The following CFAP77 variants were observed in gnomAD, a reference collection of about 807,000 sequenced individuals.
The protein encoded by CFAP77 is cilia- and flagella-associated protein 77.
Under a neutral mutation model 31.1 loss-of-function variants are expected in CFAP77, and 25 were observed. That is an observed-to-expected ratio of 0.80 (90% CI 0.59 to 1.12). The LOEUF (loss-of-function observed/expected upper bound fraction) is 1.12, where lower values mean the gene tolerates loss of function less well. Among genes scored for constraint, CFAP77 ranks in the 50% most tolerant of loss-of-function variants. The pLI, the probability that CFAP77 is intolerant of heterozygous loss-of-function variation, is 0.00. For missense variants in CFAP77, 377 were observed against 397.3 expected (o/e 0.95, Z 0.44); for synonymous variants, 151 against 159.9 (o/e 0.94, Z 0.42).
At position 132,438,541 on chromosome 9, in the gene CFAP77, A is replaced by ATATATATATATATATGTATTTT; in HGVS notation, c.195+28076_195+28077insATATATATATATATGTATTTTT. On this transcript the variant is annotated intron_variant, in intron 1 of 5. Transcript: ENST00000393216. ...ATGGTATATATATATATATATATAT[A>ATATATATATATATATGTATTTT]TTTTTTTTTTTTTTTTTAGACAGGG... 2.3e-3 allele frequency among the ~76,000 whole-genome samples: 254 copies of ATATATATATATATATGTATTTT among 108,092 alleles called. 2 individuals carry two copies. Among genetic ancestry groups the ATATATATATATATATGTATTTT allele is most frequent in the African/African-American group, 9.9e-3 (244 of 24,538 alleles). 70.9% of individuals were successfully genotyped at this position (108,092 alleles called of 152,430 possible). A position where few individuals can be genotyped will look rare whatever the true frequency, so the allele number is the denominator to read the frequency against.
intron 3 of CFAP77, among the ~76,000 whole-genome samples, chr9:132,534,055 A>C (rs2119047379): frequency 6.6e-6 from 1 of 152,254 alleles, no homozygotes; most frequent in Non-Finnish European, 1.5e-5. Flanking sequence ...CAGTGATGTC[A>C]AGATTGATAA....
intron 3 of CFAP77, among the ~76,000 whole-genome samples, chr9:132,533,128 G>T (rs534135543): frequency 2.1e-4 from 32 of 152,318 alleles, no homozygotes; most frequent in African/African-American, 7.7e-4. Flanking sequence ...GCCTCTAGGC[G>T]CCCTACGTGA....
chr9:132,531,401 T>C (rs534857170), intron 3 of CFAP77, among the ~76,000 whole-genome samples: 25 of 152,236 alleles, frequency 1.6e-4, no homozygotes, highest in Admixed American at 1.4e-3. Context: ...ACCAGGGCTG[T>C]CCTAGGATGG....
At chr9:132,563,655 G>A (rs777974433) in intron 5 of CFAP77, among the ~76,000 whole-genome samples, 12 of 152,320 alleles carry the variant, frequency 7.9e-5, no homozygotes, top group Non-Finnish European at 1.6e-4. Flanking sequence ...ACGTGGACTC[G>A]TTGGTTCGTA....
rs115655507 is a variant in CFAP77 at position 132,471,590 on chromosome 9, G to T, written c.196-27105G>T. On this transcript the variant is annotated intron_variant, in intron 1 of 5. Coordinates refer to ENST00000393216, the MANE Select transcript of CFAP77 (RefSeq NM_001282957.2). ...GTTGTGCTATAAACATAATCAGGTA[G>T]GTTGGTGATAGGAGAGACTTGGCCA... Among the ~76,000 whole-genome samples the T allele has an allele frequency of 5.1e-3, 771 of 152,284 alleles. 9 individuals carry two copies. Among genetic ancestry groups the T allele is most frequent in the African/African-American group, 0.017 (715 of 41,552 alleles).
intron 1 of CFAP77, among the ~76,000 whole-genome samples, chr9:132,441,187 C>A (rs1391741099): frequency 6.6e-6 from 1 of 152,134 alleles, no homozygotes; most frequent in Non-Finnish European, 1.5e-5. Context: ...CATTTGCATA[C>A]TGTTTCTTTG....
At chr9:132,462,692 T>C (rs1436036834) in intron 1 of CFAP77, among the ~76,000 whole-genome samples, 1 of 152,080 alleles carries the variant, frequency 6.6e-6, no homozygotes, top group Non-Finnish European at 1.5e-5. Flanking sequence ...GGTGGGCGCC[T>C]GTAATCCCAG....
At chr9:132,457,994 C>T (rs1000071376) in intron 1 of CFAP77, among the ~76,000 whole-genome samples, 3 of 152,186 alleles carry the variant, frequency 2.0e-5, no homozygotes, top group Non-Finnish European at 2.9e-5. Flanking sequence ...CTAACAGCCC[C>T]GATCCCTTAT....
Position 132,416,351 on chromosome 9 carries a change from T to G in CFAP77, c.195+5885T>G, listed in dbSNP as rs865904079. ...CTGATTTTTTTTTTTTTTTTTTTTT[T>G]TTTTTTGAGACAAAGTTTTGCTCTT... On this transcript the variant is annotated intron_variant, in intron 1 of 5. Coordinates refer to ENST00000393216, the MANE Select transcript of CFAP77 (RefSeq NM_001282957.2). Among the ~76,000 whole-genome samples the G allele has an allele frequency of 1.0e-3, 150 of 148,032 alleles. 2 individuals are homozygous for G. Among genetic ancestry groups the G allele is most frequent in the Middle Eastern group, 6.9e-3 (2 of 288 alleles).
intron 1 of CFAP77, among the ~76,000 whole-genome samples, chr9:132,465,073 C>CAAAAAA (rs773917029): frequency 2.4e-5 from 2 of 82,860 alleles, no homozygotes; most frequent in African/African-American, 4.1e-5. Context: ...GACTCTGTCT[C>CAAAAAA]AAAAAAAAAA....
chr9:132,543,705 C>T (rs1308535501), intron 5 of CFAP77, among the ~76,000 whole-genome samples: 1 of 152,196 alleles, frequency 6.6e-6, no homozygotes, highest in Non-Finnish European at 1.5e-5. Context: ...CTACCAAGGA[C>T]TGGGGCAAGT....
chr9:132,435,537 G>T (rs1164569268), intron 1 of CFAP77, among the ~76,000 whole-genome samples: 2 of 152,184 alleles, frequency 1.3e-5, no homozygotes, highest in Non-Finnish European at 2.9e-5. Flanking sequence ...GCTTTTCAGA[G>T]TATTTCCCCC....
At chr9:132,569,820 C>T (rs1829933507) in intron 5 of CFAP77, among the ~76,000 whole-genome samples, 1 of 150,866 alleles carries the variant, frequency 6.6e-6, no homozygotes, top group South Asian at 2.1e-4. Context: ...ACTGCAACCT[C>T]CGCCTCCTGG....
At chr9:132,519,113 C>A (rs1189872924) in intron 3 of CFAP77, among the ~76,000 whole-genome samples, 1 of 151,116 alleles carries the variant, frequency 6.6e-6, no homozygotes, top group Non-Finnish European at 1.5e-5. Flanking sequence ...GAGCCACCCC[C>A]ATGTTCAGAC....
At chr9:132,538,607 G>T (rs1369128527) in intron 4 of CFAP77, among the ~76,000 whole-genome samples, 4 of 152,108 alleles carry the variant, frequency 2.6e-5, no homozygotes, top group East Asian at 1.9e-4. Flanking sequence ...TGAAACTCCT[G>T]TCTCTCCTAA....
chr9:132,412,824 T>C (rs1273043966), intron 1 of CFAP77, among the ~76,000 whole-genome samples: 1 of 152,174 alleles, frequency 6.6e-6, no homozygotes, highest in Admixed American at 6.5e-5. Context: ...GTTGTGGAGC[T>C]TTAAGATTTT....
At chr9:132,557,184 A>G (rs1852919004) in intron 5 of CFAP77, among the ~76,000 whole-genome samples, 3 of 152,198 alleles carry the variant, frequency 2.0e-5, no homozygotes, top group Admixed American at 6.5e-5. Context: ...TCCAAGGTGC[A>G]GACGGGAAAC....
intron 5 of CFAP77, among the ~76,000 whole-genome samples, chr9:132,560,669 G>C (rs373480298): frequency 2.0e-5 from 3 of 152,356 alleles, no homozygotes; most frequent in Admixed American, 6.5e-5. Context: ...CTGCATTCCA[G>C]TTGGGGCTCT....
Position 132,506,169 on chromosome 9 carries a change from C to T in CFAP77, c.524+6569C>T, listed in dbSNP as rs73659065. ...GCTGGAAAGAGCCCCGGCATTCTCT[C>T]GCTGCTGTTTCACTGTCAAATCCCA... On this transcript the variant is annotated intron_variant, in intron 3 of 5. Transcript: ENST00000393216. Among the ~76,000 whole-genome samples, 995 of 152,272 alleles carry T rather than the reference C, an allele frequency of 6.5e-3. 13 individuals are homozygous for T. The highest frequency in any genetic ancestry group is 0.023 in the African/African-American group (938 of 41,540).
Sources: gnomAD v4.1 joint callset for allele counts (sites outside exome capture counted in the v4.1 genomes callset) on GRCh38, gnomAD v4.1.1 for gene constraint, MANE v1.5 for transcripts, NCBI Gene and HGNC (gene_info 2026-07-23, HGNC 2026-07-21) for gene names.